MKLN1: variants seen among roughly 807,000 people sequenced by gnomAD.
MKLN1 encodes the protein muskelin 1, also known as muskelin.
Under a neutral mutation model 99.0 loss-of-function variants are expected in MKLN1, and 18 were observed. The ratio of observed to expected loss-of-function variants is 0.18; its 90% CI spans 0.13 to 0.27. MKLN1 has a LOEUF of 0.27. Among genes scored for constraint, MKLN1 ranks in the 10% least tolerant of loss-of-function variants. MKLN1 has a pLI of 1.00. For synonymous variants in MKLN1, 288 were observed against 293.2 expected (o/e 0.98, Z 0.18); for missense variants, 621 against 875.9 (o/e 0.71, Z 3.67).
rs141591681 is a variant in MKLN1, at chr7:131,111,916, G to A, written c.-419+1709G>A. 2.4e-3 allele frequency among the ~76,000 whole-genome samples: 369 copies of A among 152,352 alleles called. 7 individuals are homozygous for A. The highest frequency in any genetic ancestry group is 9.7e-4 in the Non-Finnish European group (66 of 68,044). ...CATTGTGGCATTCGGAGAACACAGTGTGACTACAAGGCTACACTACAAATA... is the reference window on the plus strand; with the variant it reads ...CATTGTGGCATTCGGAGAACACAGTATGACTACAAGGCTACACTACAAATA... On this transcript the variant is annotated intron_variant, in intron 1 of 7. Transcript: ENST00000416992.
At chr7:131,426,934 T>G (rs1795374840) in intron 8 of MKLN1, among the ~76,000 whole-genome samples, 1 of 152,142 alleles carries the variant, frequency 6.6e-6, no homozygotes. Context: ...TTTGTATTTT[T>G]GGTAGAGACG....
intron 1 of MKLN1, among the ~76,000 whole-genome samples, chr7:131,343,625 C>T (rs751434085): frequency 6.6e-6 from 1 of 152,064 alleles, no homozygotes; most frequent in Non-Finnish European, 1.5e-5. Context: ...CAGAAGATAA[C>T]AAGCACTTAT....
At position 131,387,141 on chromosome 7, in the gene MKLN1, A is replaced by T; in HGVS notation, c.190A>T (p.Arg64Trp). 1 of 1,600,484 alleles carries T rather than the reference A, an allele frequency of 6.2e-7. No homozygotes were observed. Among genetic ancestry groups the T allele is most frequent in the Non-Finnish European group, 8.5e-7 (1 of 1,175,920 alleles). ...TTAGTACTTGATTCTAAAGCTCGAA[A>T]GGCCTGCTATAGTTCAGAATATCAC... Reference protein sequence around the residue: ...PPQYLILKLERPAIVQNITFG... With the variant: ...PPQYLILKLEWPAIVQNITFG... The change falls in exon 3 of 18, where the codon AGG (arginine) becomes TGG (tryptophan). Residue 64 changes from arginine to tryptophan, a missense_variant. Physicochemically the swap from Arg to Trp is moderately radical, Grantham distance 101. Coordinates refer to ENST00000352689, the MANE Select transcript of MKLN1 (RefSeq NM_013255.5).
At chr7:131,230,958 TA>T (rs1236507490) in intron 3 of MKLN1, among the ~76,000 whole-genome samples, 29 of 151,736 alleles carry the variant, frequency 1.9e-4, no homozygotes, top group African/African-American at 6.5e-4. Context: ...CCGTCTCTAC[TA>T]AAAATACAGA....
At chr7:131,164,532 A>G (rs1796096616) in intron 2 of MKLN1, among the ~76,000 whole-genome samples, 1 of 152,112 alleles carries the variant, frequency 6.6e-6, no homozygotes, top group Non-Finnish European at 1.5e-5. Context: ...AGAAGCTAAA[A>G]CGTTTCTAGA....
At chr7:131,195,575 T>G (rs1466928655) in intron 2 of MKLN1, among the ~76,000 whole-genome samples, 2 of 152,184 alleles carry the variant, frequency 1.3e-5, no homozygotes, top group African/African-American at 4.8e-5. Flanking sequence ...CTCTTTTACT[T>G]TGCCTTTTTT....
At chr7:131,217,732 G>A (rs1025470317) in intron 3 of MKLN1, among the ~76,000 whole-genome samples, 1 of 152,088 alleles carries the variant, frequency 6.6e-6, no homozygotes, top group Admixed American at 6.6e-5. Context: ...GATGGGATAG[G>A]CTCCTTAAAA....
intron 13 of MKLN1, among the ~76,000 whole-genome samples, chr7:131,463,684 T>G (rs1796581683): frequency 6.6e-6 from 1 of 152,174 alleles, no homozygotes; most frequent in Non-Finnish European, 1.5e-5. Context: ...AGATCTTAGT[T>G]TTCATAAAAC....
At chr7:131,173,732 C>T (rs1193017225) in intron 2 of MKLN1, among the ~76,000 whole-genome samples, 4 of 151,900 alleles carry the variant, frequency 2.6e-5, no homozygotes, top group Admixed American at 6.6e-5. Context: ...CAAACAAAAA[C>T]ACACACACAG....
At chr7:131,155,926 G>A (rs950638871) in intron 2 of MKLN1, among the ~76,000 whole-genome samples, 2 of 152,204 alleles carry the variant, frequency 1.3e-5, no homozygotes, top group African/African-American at 2.4e-5. Context: ...GATTTGGCGT[G>A]TCTACCTTCA....
intron 1 of MKLN1, among the ~76,000 whole-genome samples, chr7:131,343,700 T>C (rs1411403201): frequency 1.3e-5 from 2 of 152,176 alleles, no homozygotes; most frequent in African/African-American, 4.8e-5. Flanking sequence ...ATAGAACTCT[T>C]TGAATTTTAT....
In MKLN1 at chr7:131,429,349, T is replaced by G. The variant is rs147732558; in HGVS notation, c.960+204T>G. 2.5e-3 allele frequency among the ~76,000 whole-genome samples: 378 copies of G among 152,314 alleles called. 2 individuals are homozygous for G. The highest frequency in any genetic ancestry group is 8.6e-3 in the African/African-American group (357 of 41,578). On this transcript the variant is annotated intron_variant, in intron 9 of 17. Transcript: ENST00000352689. Reference sequence around the variant, plus strand: ...TACTGATACACAACCAAATCTGTTTTATAGAGAGAGAGAGAGTGAGGAATG... The same window carrying G: ...TACTGATACACAACCAAATCTGTTTGATAGAGAGAGAGAGAGTGAGGAATG...
At position 131,134,122 on chromosome 7, in the gene MKLN1, G is replaced by A. The variant is rs550647436; in HGVS notation, c.-418-8698G>A. ...TGGGATTACAGGCATGAGCCAACGC[G>A]CCCGGCCAGCTGACTTCTAATTCTC... On this transcript the variant is annotated intron_variant, in intron 1 of 7. Transcript: ENST00000416992. Among the ~76,000 whole-genome samples the A allele has an allele frequency of 9.9e-5, 15 of 152,150 alleles. 1 individual carries two copies. The East Asian group carries it at 1.7e-3, about 18-fold the overall frequency.
intron 1 of MKLN1, among the ~76,000 whole-genome samples, chr7:131,115,888 T>C (rs1795269604): frequency 6.6e-6 from 1 of 152,222 alleles, no homozygotes; most frequent in Admixed American, 6.5e-5. Context: ...TTTCCAACCA[T>C]CCTAGATATA....
intron 1 of MKLN1, among the ~76,000 whole-genome samples, chr7:131,338,993 T>G (rs1162156917): frequency 6.6e-6 from 1 of 152,248 alleles, no homozygotes; most frequent in Non-Finnish European, 1.5e-5. Context: ...AGTAAATATT[T>G]TTTCTCTTCC....
At chr7:131,452,624 C>T (rs1205859146) in intron 12 of MKLN1, among the ~76,000 whole-genome samples, 1 of 140,326 alleles carries the variant, frequency 7.1e-6, no homozygotes, top group African/African-American at 2.7e-5. Context: ...AATCCCGGCT[C>T]ACTGCAACCT....
chr7:131,482,353 CT>C (rs1797148088), intron 17 of MKLN1, among the ~76,000 whole-genome samples: 1 of 152,152 alleles, frequency 6.6e-6, no homozygotes, highest in Non-Finnish European at 1.5e-5. Context: ...CACAACCATG[CT>C]GAGCTAATTT....
At chr7:131,375,688 G>A (rs746737289) in intron 2 of MKLN1, among the ~76,000 whole-genome samples, 195 bp downstream of exon 2, 5 of 152,050 alleles carry the variant, frequency 3.3e-5, no homozygotes, top group Non-Finnish European at 5.9e-5. Context: ...TGCAGTGTGA[G>A]ATTTGATGAA....
chr7:131,475,342 G>T (rs1796934799), intron 16 of MKLN1, among the ~76,000 whole-genome samples: 1 of 151,986 alleles, frequency 6.6e-6, no homozygotes, highest in African/African-American at 2.4e-5. Flanking sequence ...CTACTACAGA[G>T]ATTGAATTTG....
Sources: allele counts gnomAD v4.1 joint callset (sites outside exome capture counted in the v4.1 genomes callset), GRCh38; gene constraint gnomAD v4.1.1; transcripts MANE v1.5; gene names NCBI Gene and HGNC (gene_info 2026-07-23, HGNC 2026-07-21).